Variants in ROBO2 observed in about 807,000 individuals in gnomAD.
ROBO2 encodes roundabout guidance receptor 2.
A neutral mutation model predicts 160.8 loss-of-function variants in ROBO2; 53 were observed. The ratio of observed to expected loss-of-function variants is 0.33; its 90% CI spans 0.26 to 0.41. The LOEUF (loss-of-function observed/expected upper bound fraction) is 0.41, where lower values mean the gene tolerates loss of function less well. Among genes scored for constraint, ROBO2 ranks in the 10% least tolerant of loss-of-function variants. ROBO2 has a pLI of 1.00. For synonymous variants in ROBO2, 664 were observed against 611.7 expected (o/e 1.09, Z -1.26); for missense variants, 1,577 against 1,722.4 (o/e 0.92, Z 1.49).
intron 6 of ROBO2, among the ~76,000 whole-genome samples, chr3:77,543,802 A>C (rs2092584624): frequency 6.6e-6 from 1 of 152,190 alleles, no homozygotes; most frequent in Admixed American, 6.5e-5. Flanking sequence ...AGGTTTTACT[A>C]ACTACTTTTG....
chr3:76,629,189 G>A (rs191473449), intron 2 of ROBO2, among the ~76,000 whole-genome samples: 231 of 152,306 alleles, frequency 1.5e-3, no homozygotes, highest in African/African-American at 5.3e-3. Flanking sequence ...ACACTTGGAT[G>A]TAAGGAGGGT....
chr3:75,953,060 G>A (rs1395578593), intron 2 of ROBO2, among the ~76,000 whole-genome samples: 2 of 151,864 alleles, frequency 1.3e-5, no homozygotes, highest in Non-Finnish European at 2.9e-5. Context: ...TCATGAATAA[G>A]GCTCCTATAA....
At position 76,723,167 on chromosome 3, in the gene ROBO2, CAG is replaced by C. The variant is rs576569357; in HGVS notation, c.110-374845_110-374844del. ...AAAGAAAAATTAACATTTTACTTGTCAGAATTATTATTTTTAAAGTATGTATT... is the reference window on the plus strand; with the variant it reads ...AAAGAAAAATTAACATTTTACTTGTCAATTATTATTTTTAAAGTATGTATT... On this transcript the variant is annotated intron_variant, in intron 2 of 26. Coordinates refer to the ROBO2 transcript ENST00000487694. Among the ~76,000 whole-genome samples the C allele has an allele frequency of 4.8e-3, 729 of 152,022 alleles. 4 individuals carry two copies. The highest frequency in any genetic ancestry group is 7.9e-3 in the Non-Finnish European group (535 of 67,960).
chr3:77,581,818 C>A (rs373710191), intron 16 of ROBO2, among the ~76,000 whole-genome samples: 2 of 152,012 alleles, frequency 1.3e-5, no homozygotes, highest in African/African-American at 2.4e-5. Context: ...TTTCTATTTG[C>A]GCTCTTAATT....
chr3:76,560,409 CTTAA>C (rs1026608848), intron 2 of ROBO2, among the ~76,000 whole-genome samples: 1 of 151,890 alleles, frequency 6.6e-6, no homozygotes, highest in African/African-American at 2.4e-5. Context: ...CAAATATTAT[CTTAA>C]TTATGTTTCT....
chr3:76,657,981 C>T (rs926298340), intron 2 of ROBO2, among the ~76,000 whole-genome samples: 3 of 148,996 alleles, frequency 2.0e-5, no homozygotes, highest in African/African-American at 7.4e-5. Flanking sequence ...GTCGGAGGAT[C>T]ACTTGAGCCC....
chr3:76,984,231 G>T (rs1286029685), intron 2 of ROBO2, among the ~76,000 whole-genome samples: 3 of 151,996 alleles, frequency 2.0e-5, no homozygotes, highest in African/African-American at 7.2e-5. Context: ...ATATCAGCTG[G>T]GATTCACACT....
intron 5 of ROBO2, among the ~76,000 whole-genome samples, chr3:77,506,684 C>T (rs62251086): frequency 0.066 from 10,029 of 151,926 alleles, 472 homozygotes; most frequent in Non-Finnish European, 0.1. Context: ...ATAATCTGAC[C>T]CAAAATGGCG....
chr3:77,376,620 G>T (rs2072713431), intron 2 of ROBO2, among the ~76,000 whole-genome samples: 1 of 152,034 alleles, frequency 6.6e-6, no homozygotes, highest in African/African-American at 2.4e-5. Context: ...TTCTCCCTAG[G>T]TTGGTTGCAT....
At chr3:76,611,390 A>G (rs1261162197) in intron 2 of ROBO2, among the ~76,000 whole-genome samples, 1 of 152,114 alleles carries the variant, frequency 6.6e-6, no homozygotes, top group Admixed American at 6.5e-5. Context: ...CAGGAAAACC[A>G]CTGGGTCCTG....
intron 2 of ROBO2, among the ~76,000 whole-genome samples, chr3:76,414,890 A>G (rs907296021): frequency 6.6e-6 from 1 of 152,192 alleles, no homozygotes; most frequent in Non-Finnish European, 1.5e-5. Flanking sequence ...GCACAATTTC[A>G]CTGTCTCTTT....
chr3:76,625,507 TG>T (rs1347179241), intron 2 of ROBO2, among the ~76,000 whole-genome samples: 1 of 150,866 alleles, frequency 6.6e-6, no homozygotes, highest in East Asian at 2.0e-4. Flanking sequence ...TTGAATTCGG[TG>T]GTATTACGTG....
Position 76,388,717 on chromosome 3 carries a change from T to A in ROBO2, c.109+451115T>A, listed in dbSNP as rs184094258. 3.9e-3 allele frequency among the ~76,000 whole-genome samples: 591 copies of A among 152,268 alleles called. 4 individuals are homozygous for A. Among genetic ancestry groups the A allele is most frequent in the African/African-American group, 0.013 (541 of 41,562 alleles). On this transcript the variant is annotated intron_variant, in intron 2 of 26. Transcript: ENST00000487694. The stretch of plus-strand genomic sequence containing the variant: ...ATCTTTTTTTCAAGAAAATTAATGT[T>A]AATTGATAACTCTATTTTTTACCTT...
chr3:77,165,142 T>C (rs1382274207), intron 2 of ROBO2, among the ~76,000 whole-genome samples: 2 of 151,350 alleles, frequency 1.3e-5, no homozygotes, highest in Non-Finnish European at 3.0e-5. Flanking sequence ...GGGGAAAAGA[T>C]TGAGAAATCG....
Position 76,350,249 on chromosome 3 carries a change from T to C in ROBO2, c.109+412647T>C, listed in dbSNP as rs13316201. Among the ~76,000 whole-genome samples the C allele has an allele frequency of 2.7e-3, 412 of 152,272 alleles. 2 individuals are homozygous for C. The highest frequency in any genetic ancestry group is 9.6e-3 in the African/African-American group (400 of 41,570). The stretch of plus-strand genomic sequence containing the variant: ...GTTTTTTCTACTCACAGTACACTTA[T>C]GCAATAGGAGATAATTGCTTTGCTT... On this transcript the variant is annotated intron_variant, in intron 2 of 26. Transcript: ENST00000487694.
At chr3:77,488,239 G>A (rs1202522093) in intron 4 of ROBO2, among the ~76,000 whole-genome samples, 1 of 152,122 alleles carries the variant, frequency 6.6e-6, no homozygotes, top group Non-Finnish European at 1.5e-5. Flanking sequence ...AACCTTGTAA[G>A]CAAGTTATGC....
chr3:76,232,724 C>T (rs1704695169), intron 2 of ROBO2, among the ~76,000 whole-genome samples: 1 of 152,126 alleles, frequency 6.6e-6, no homozygotes, highest in African/African-American at 2.4e-5. Flanking sequence ...TTCATGATCA[C>T]AGATTACAGC....
chr3:76,635,123 G>A (rs1024167785), intron 2 of ROBO2, among the ~76,000 whole-genome samples: 5 of 152,048 alleles, frequency 3.3e-5, no homozygotes, highest in African/African-American at 1.2e-4. Flanking sequence ...TACTAATATC[G>A]GTGTTGTTAT....
At chr3:77,100,286 A>T (rs1170577974) in intron 2 of ROBO2, among the ~76,000 whole-genome samples, 1 of 152,130 alleles carries the variant, frequency 6.6e-6, no homozygotes, top group Non-Finnish European at 1.5e-5. Flanking sequence ...TGGATTAGGG[A>T]GTGAATAAAA....
Sources: gnomAD v4.1 joint callset for allele counts (sites outside exome capture counted in the v4.1 genomes callset) on GRCh38, gnomAD v4.1.1 for gene constraint, MANE v1.5 for transcripts, NCBI Gene and HGNC (gene_info 2026-07-23, HGNC 2026-07-21) for gene names.